The following RIC1 variants were observed in gnomAD, a reference collection of about 807,000 sequenced individuals.
The protein encoded by RIC1 is RIC1 partner of RAB6A GEF complex.
A neutral mutation model predicts 169.0 loss-of-function variants in RIC1; 88 were observed. The observed-to-expected ratio is 0.52, with a 90% confidence interval of 0.44 to 0.62. The LOEUF is 0.62. Ranked by LOEUF, RIC1 falls within the 20% of genes least tolerant of loss-of-function variation. RIC1 has a pLI of 0.00. For synonymous variants in RIC1, 790 were observed against 601.5 expected (o/e 1.31, Z -4.59); for missense variants, 1,877 against 1,725.5 (o/e 1.09, Z -1.56).
At chr9:5,698,058 G>C (rs546436373) in intron 3 of RIC1, among the ~76,000 whole-genome samples, 4 of 152,262 alleles carry the variant, frequency 2.6e-5, no homozygotes, top group East Asian at 3.9e-4. Context: ...TTGCATTCTT[G>C]AAGTTTCTGT....
intron 6 of RIC1, among the ~76,000 whole-genome samples, chr9:5,724,122 G>A (rs1322841549): frequency 6.6e-6 from 1 of 152,110 alleles, no homozygotes; most frequent in East Asian, 1.9e-4. Flanking sequence ...TGATGGGGAT[G>A]GCATTGAATC....
intron 17 of RIC1, 142 bp downstream of exon 17, chr9:5,757,593 A>G (rs1826083048): frequency 6.4e-6 from 5 of 776,606 alleles, no homozygotes; most frequent in South Asian, 1.9e-5. Flanking sequence ...TGCAGTGGCA[A>G]ATTAAAAAGA....
chr9:5,661,570 C>G (rs144313239), intron 2 of RIC1, among the ~76,000 whole-genome samples: 2,079 of 152,170 alleles, frequency 0.014, 27 homozygotes, highest in Non-Finnish European at 0.022. Flanking sequence ...AGCTGTATTG[C>G]TAGGTATTTT....
intron 5 of RIC1, 46 bp from the exon 6 acceptor site, chr9:5,720,568 T>G (rs940875957): frequency 8.5e-6 from 13 of 1,524,708 alleles, no homozygotes; most frequent in African/African-American, 1.4e-5. Context: ...AGAGAGTAAT[T>G]TATTATATTC....
chr9:5,678,291 A>G (rs1488469754), intron 2 of RIC1, among the ~76,000 whole-genome samples: 1 of 152,220 alleles, frequency 6.6e-6, no homozygotes, highest in Non-Finnish European at 1.5e-5. Context: ...TATTGTGAAT[A>G]GTGCCGCAGT....
intron 2 of RIC1, among the ~76,000 whole-genome samples, chr9:5,679,084 C>T (rs1314822740): frequency 6.6e-6 from 1 of 152,108 alleles, no homozygotes; most frequent in Admixed American, 6.5e-5. Context: ...TTTCCCAGCA[C>T]CATTTATTAA....
chr9:5,696,720 A>C (rs1821928333), intron 3 of RIC1, among the ~76,000 whole-genome samples: 1 of 152,212 alleles, frequency 6.6e-6, no homozygotes, highest in African/African-American at 2.4e-5. Flanking sequence ...TGAGTAAATA[A>C]ATACCTAGGA....
chr9:5,669,782 G>A (rs1819983267), intron 2 of RIC1, among the ~76,000 whole-genome samples: 1 of 152,076 alleles, frequency 6.6e-6, no homozygotes, highest in Admixed American at 6.6e-5. Context: ...GAGCAGTGTG[G>A]GAGTCAATGG....
chr9:5,734,101 A>ATTTAT (rs1262973416), intron 7 of RIC1, among the ~76,000 whole-genome samples: 7 of 146,592 alleles, frequency 4.8e-5, no homozygotes, highest in South Asian at 2.1e-4. Flanking sequence ...ATATATATAT[A>ATTTAT]TTTATTTTAT....
In RIC1 at chr9:5,708,490, G is replaced by A. The variant is rs558523858; in HGVS notation, c.333-5406G>A. Among the ~76,000 whole-genome samples the A allele has an allele frequency of 1.7e-3, 252 of 152,060 alleles. 1 individual carries two copies. Among genetic ancestry groups the A allele is most frequent in the South Asian group, 9.1e-3 (44 of 4,814 alleles). On this transcript the variant is annotated intron_variant, in intron 3 of 25. Coordinates refer to ENST00000414202, the MANE Select transcript of RIC1 (RefSeq NM_020829.4). Reference sequence around the variant, plus strand: ...TTGTGACAAATTCCCTCAACTTTTTGTTTATCTGGAAATTCATTAATTTCT... The same window carrying A: ...TTGTGACAAATTCCCTCAACTTTTTATTTATCTGGAAATTCATTAATTTCT...
At chr9:5,669,013 G>C (rs1819942075) in intron 2 of RIC1, among the ~76,000 whole-genome samples, 1 of 152,150 alleles carries the variant, frequency 6.6e-6, no homozygotes, top group Admixed American at 6.6e-5. Context: ...GGTGACTTTG[G>C]AAATCTAATT....
At chr9:5,657,291 T>C (rs1819158911) in intron 2 of RIC1, among the ~76,000 whole-genome samples, 1 of 152,160 alleles carries the variant, frequency 6.6e-6, no homozygotes, top group African/African-American at 2.4e-5. Context: ...TAAACGTGCC[T>C]AGATATGTTT....
chr9:5,636,173 T>C (rs1331325703), intron 1 of RIC1, among the ~76,000 whole-genome samples: 1 of 152,238 alleles, frequency 6.6e-6, no homozygotes, highest in East Asian at 1.9e-4. Flanking sequence ...ATATTAATTC[T>C]TCCAATCCAT....
rs755169854 is a variant in RIC1, at chr9:5,765,436, G to C, written c.2864G>C (p.Ser955Thr). Residue 955 changes from serine to threonine, a missense_variant, in exon 20 of 26, where the codon AGT (serine) becomes ACT (threonine). This residue lies in a region of RIC1 where 681 missense variants were observed against 582.0 expected (regional missense o/e 1.17). Transcript: ENST00000414202. ...ILQNMEVPAV[S>T]RQHATLLFNT... is the part of the protein sequence containing the mutation. ...TAGAATATGGAAGTCCCTGCAGTAA[G>C]TAGGCAACATGCTACCCTTCTATTC... is the stretch of plus-strand genomic sequence containing the variant. 5 of 1,613,968 alleles carry C rather than the reference G, an allele frequency of 3.1e-6. No individual in the cohort carries two copies. Among genetic ancestry groups the C allele is most frequent in the Non-Finnish European group, 4.2e-6 (5 of 1,179,930 alleles).
intron 3 of RIC1, among the ~76,000 whole-genome samples, chr9:5,702,261 C>A (rs879718969): frequency 1.3e-5 from 2 of 152,312 alleles, no homozygotes; most frequent in South Asian, 2.1e-4. Context: ...AGAGTAGCAT[C>A]TGAGCTGAGT....
At chr9:5,643,459 G>A (rs897898958) in intron 1 of RIC1, among the ~76,000 whole-genome samples, 3 of 152,102 alleles carry the variant, frequency 2.0e-5, no homozygotes, top group African/African-American at 2.4e-5. Flanking sequence ...AGTGAGCCAT[G>A]ATTGCACTAT....
At chr9:5,668,573 C>A (rs1819917051) in intron 2 of RIC1, among the ~76,000 whole-genome samples, 1 of 152,066 alleles carries the variant, frequency 6.6e-6, no homozygotes, top group Admixed American at 6.6e-5. Context: ...GCTTATTTTT[C>A]TTTATTCTTC....
intron 21 of RIC1, among the ~76,000 whole-genome samples, chr9:5,768,738 C>A (rs1350652200): frequency 6.6e-6 from 1 of 152,188 alleles, no homozygotes. Context: ...TTCTGTCCCC[C>A]TTTTCCTGTT....
chr9:5,772,275 G>C (rs900894306), intron 23 of RIC1, among the ~76,000 whole-genome samples: 2 of 152,148 alleles, frequency 1.3e-5, no homozygotes, highest in Non-Finnish European at 2.9e-5. Flanking sequence ...TGTAGTAGCT[G>C]AATGTAAAGA....
Sources: gnomAD v4.1 joint callset for allele counts (sites outside exome capture counted in the v4.1 genomes callset) on GRCh38, gnomAD v4.1.1 for gene constraint, gnomAD v4.1.1 regional missense constraint, MANE v1.5 for transcripts, NCBI Gene and HGNC (gene_info 2026-07-23, HGNC 2026-07-21) for gene names.